The following NDST4 variants were observed in gnomAD, a reference collection of about 807,000 sequenced individuals.
The protein encoded by NDST4 is N-heparan sulfate sulfotransferase 4.
NDST4 carries 63 observed loss-of-function variants against 100.8 expected under a neutral mutation model. That is an observed-to-expected ratio of 0.62 (90% CI 0.51 to 0.77). The LOEUF (loss-of-function observed/expected upper bound fraction) is 0.77, where lower values mean the gene tolerates loss of function less well. NDST4 is among the 30% of genes least tolerant of loss of function. The pLI is 0.00. For synonymous variants in NDST4, 377 were observed against 361.8 expected (o/e 1.04, Z -0.48); for missense variants, 943 against 1,018.4 (o/e 0.93, Z 1.01).
At chr4:114,906,867 C>G (rs1020142325) in intron 6 of NDST4, among the ~76,000 whole-genome samples, 2 of 151,952 alleles carry the variant, frequency 1.3e-5, no homozygotes, top group African/African-American at 4.8e-5. Context: ...ACAATTAAGC[C>G]TGTTTGTCAA....
chr4:114,878,567 A>G (rs1303749079), intron 6 of NDST4, among the ~76,000 whole-genome samples: 2 of 152,200 alleles, frequency 1.3e-5, no homozygotes, highest in Non-Finnish European at 2.9e-5. Context: ...GAGCAATACA[A>G]ACATGAAATT....
intron 2 of NDST4, among the ~76,000 whole-genome samples, chr4:115,050,511 T>C (rs1362272793): frequency 2.6e-5 from 4 of 152,080 alleles, no homozygotes; most frequent in Admixed American, 2.0e-4. Flanking sequence ...CCCAGAAATA[T>C]TCATGGTATT....
intron 7 of NDST4, among the ~76,000 whole-genome samples, chr4:114,858,157 G>A (rs1247602987): frequency 6.6e-6 from 1 of 152,170 alleles, no homozygotes; most frequent in African/African-American, 2.4e-5. Context: ...TGACCTGACA[G>A]TAACAGCAAA....
At chr4:115,040,082 T>C (rs954342096) in intron 2 of NDST4, among the ~76,000 whole-genome samples, 11 of 151,836 alleles carry the variant, frequency 7.2e-5, no homozygotes, top group Non-Finnish European at 1.6e-4. Flanking sequence ...TTATTTATAG[T>C]TTTTGCAAAG....
chr4:114,926,508 C>T (rs756242337), intron 6 of NDST4, among the ~76,000 whole-genome samples: 49 of 151,370 alleles, frequency 3.2e-4, no homozygotes, highest in Non-Finnish European at 6.2e-4. Context: ...ATGTGTCAAA[C>T]TATGAAAACA....
chr4:114,874,550 A>G (rs1408033642), intron 6 of NDST4, among the ~76,000 whole-genome samples: 1 of 152,200 alleles, frequency 6.6e-6, no homozygotes. Context: ...GTGCTGGTAT[A>G]TGGTCAATTG....
At chr4:115,037,261 A>C (rs1225160159) in intron 2 of NDST4, among the ~76,000 whole-genome samples, 3 of 152,162 alleles carry the variant, frequency 2.0e-5, no homozygotes, top group African/African-American at 4.8e-5. Flanking sequence ...ACAGAGTTAA[A>C]GCAAGACAAG....
chr4:114,833,919 G>T (rs559979239), intron 11 of NDST4, among the ~76,000 whole-genome samples: 1 of 152,180 alleles, frequency 6.6e-6, no homozygotes, highest in African/African-American at 2.4e-5. Context: ...ATCATTTCTT[G>T]TGAATTATCA....
intron 2 of NDST4, among the ~76,000 whole-genome samples, chr4:115,011,353 T>C (rs771253818): frequency 1.3e-5 from 2 of 152,026 alleles, no homozygotes; most frequent in African/African-American, 2.4e-5. Flanking sequence ...TTATCACTTA[T>C]CTCTTCAGAT....
At chr4:114,943,109 T>C (rs1725785741) in intron 4 of NDST4, among the ~76,000 whole-genome samples, 2 of 148,124 alleles carry the variant, frequency 1.4e-5, no homozygotes, top group Non-Finnish European at 3.0e-5. Flanking sequence ...TATATGTATA[T>C]GATAAGGATA....
At chr4:114,950,944 G>A (rs1037507481) in intron 4 of NDST4, among the ~76,000 whole-genome samples, 3 of 151,894 alleles carry the variant, frequency 2.0e-5, no homozygotes, top group Non-Finnish European at 4.4e-5. Context: ...TCAGCGTCTC[G>A]ATCATTTTTG....
intron 2 of NDST4, among the ~76,000 whole-genome samples, chr4:115,073,468 G>A (rs879664017): frequency 1.3e-5 from 2 of 151,956 alleles, no homozygotes; most frequent in African/African-American, 2.4e-5. Context: ...TATACACAAT[G>A]AAATATCATT....
chr4:114,998,257 C>A (rs144277330), intron 2 of NDST4, among the ~76,000 whole-genome samples: 3 of 152,228 alleles, frequency 2.0e-5, no homozygotes, highest in Middle Eastern at 3.4e-3. Context: ...CTTTGTCTAT[C>A]CCCAAAGTGA....
At chr4:114,831,631 C>A (rs190668824) in intron 12 of NDST4, among the ~76,000 whole-genome samples, 4 of 152,282 alleles carry the variant, frequency 2.6e-5, no homozygotes, top group Admixed American at 2.6e-4. Flanking sequence ...GCTGTGGTCT[C>A]TCCTTGTTAT....
intron 2 of NDST4, among the ~76,000 whole-genome samples, chr4:115,011,619 T>C (rs1223837778): frequency 6.6e-6 from 1 of 151,912 alleles, no homozygotes; most frequent in Non-Finnish European, 1.5e-5. Context: ...CAGGTAATAA[T>C]AAACAATAAA....
intron 6 of NDST4, among the ~76,000 whole-genome samples, chr4:114,916,766 A>C (rs558936499): frequency 6.9e-6 from 1 of 145,470 alleles, no homozygotes; most frequent in African/African-American, 2.5e-5. Context: ...GGCTTAAGCA[A>C]CTCTCCCACC....
chr4:114,918,673 G>A (rs1725228873), intron 6 of NDST4, among the ~76,000 whole-genome samples: 1 of 152,040 alleles, frequency 6.6e-6, no homozygotes, highest in Non-Finnish European at 1.5e-5. Context: ...CTGACCATTT[G>A]AAAGAAACAT....
At chr4:115,038,403 G>T (rs1210256154) in intron 2 of NDST4, among the ~76,000 whole-genome samples, 3 of 152,046 alleles carry the variant, frequency 2.0e-5, no homozygotes, top group Non-Finnish European at 4.4e-5. Flanking sequence ...GACAAGGAAA[G>T]CCGTCAAAGA....
At chr4:114,937,162 G>T (rs1725647256) in intron 5 of NDST4, among the ~76,000 whole-genome samples, 156 bp downstream of exon 5, 1 of 152,176 alleles carries the variant, frequency 6.6e-6, no homozygotes, top group South Asian at 2.1e-4. Flanking sequence ...CAAAAGATGG[G>T]TTAATGCATA....
Sources: gnomAD v4.1 joint callset for allele counts (sites outside exome capture counted in the v4.1 genomes callset) on GRCh38, gnomAD v4.1.1 for gene constraint, MANE v1.5 for transcripts, NCBI Gene and HGNC (gene_info 2026-07-23, HGNC 2026-07-21) for gene names.